The following UTRN variants were observed in gnomAD, a reference collection of about 807,000 sequenced individuals.
UTRN encodes dystrophin-related protein 1.
UTRN carries 283 observed loss-of-function variants against 463.9 expected under a neutral mutation model. That is an observed-to-expected ratio of 0.61 (90% CI 0.55 to 0.67). The LOEUF is 0.67. Ranked by LOEUF, UTRN falls within the 30% of genes least tolerant of loss-of-function variation. The probability of loss-of-function intolerance (pLI) is 0.00; values close to 1 mark genes in which losing one functional copy is unlikely to be tolerated. For missense variants in UTRN, 3,922 were observed against 4,084.3 expected (o/e 0.96, Z 1.08); for synonymous variants, 1,442 against 1,431.5 (o/e 1.01, Z -0.17).
chr6:144,706,130 G>C (rs11970600), intron 53 of UTRN, among the ~76,000 whole-genome samples: 44,855 of 151,368 alleles, frequency 0.3, 7,980 homozygotes, highest in Admixed American at 0.45. Context: ...GCCAGTGTTC[G>C]AACATAAACC....
chr6:144,713,618 A>T (rs531258534), intron 53 of UTRN, among the ~76,000 whole-genome samples: 9 of 144,226 alleles, frequency 6.2e-5, no homozygotes, highest in South Asian at 4.4e-4. Flanking sequence ...CTGTCTCAAA[A>T]AAAAAAATAA....
intron 51 of UTRN, among the ~76,000 whole-genome samples, chr6:144,633,199 A>G (rs1776717153): frequency 6.6e-6 from 1 of 151,786 alleles, no homozygotes; most frequent in South Asian, 2.1e-4. Context: ...AGGAGTAAGG[A>G]AACTTGAAAT....
rs1160278605 is a variant in UTRN at position 144,490,217 on chromosome 6, C to T, written c.4263+18C>T. 2.5e-6 allele frequency: 4 copies of T among 1,573,636 alleles called. No homozygotes were observed. The highest frequency in any genetic ancestry group is 2.6e-6 in the Non-Finnish European group (3 of 1,167,636). ...TGCTACAGGTAAAGAAGGCCAGGAG[C>T]TTCCTTTTACTTTTCAACTTGTTGG... On this transcript the variant is annotated intron_variant, in intron 31 of 74. Coordinates refer to ENST00000367545, the MANE Select transcript of UTRN (RefSeq NM_007124.3).
At chr6:144,436,883 T>A (rs1786606640) in intron 10 of UTRN, among the ~76,000 whole-genome samples, 2 of 145,332 alleles carry the variant, frequency 1.4e-5, no homozygotes, top group Non-Finnish European at 3.0e-5. Flanking sequence ...ATAAAATATA[T>A]AAATATTTTT....
At chr6:144,734,369 A>G (rs1789124147) in intron 54 of UTRN, among the ~76,000 whole-genome samples, 1 of 152,180 alleles carries the variant, frequency 6.6e-6, no homozygotes, top group African/African-American at 2.4e-5. Flanking sequence ...GAGTAATTGG[A>G]TTATTGATTT....
intron 34 of UTRN, among the ~76,000 whole-genome samples, chr6:144,508,678 A>G (rs1170934242): frequency 2.0e-5 from 3 of 152,172 alleles, no homozygotes; most frequent in Admixed American, 6.5e-5. Context: ...CTGTTTGGCC[A>G]TCTTGCCAGC....
chr6:144,721,784 T>G (rs1787199907), intron 53 of UTRN, among the ~76,000 whole-genome samples: 1 of 152,166 alleles, frequency 6.6e-6, no homozygotes, highest in Non-Finnish European at 1.5e-5. Context: ...ATTCATTTGT[T>G]TCAGATATAC....
chr6:144,671,369 T>TAC (rs1781008105), intron 51 of UTRN, among the ~76,000 whole-genome samples: 2 of 152,086 alleles, frequency 1.3e-5, no homozygotes, highest in African/African-American at 4.8e-5. Flanking sequence ...TGGTTAGGTA[T>TAC]AATCCTAAGT....
chr6:144,548,950 A>G, intron 47 of UTRN, 96 bp downstream of exon 47: 3 of 1,286,154 alleles, frequency 2.3e-6, no homozygotes, highest in South Asian at 1.5e-5. Flanking sequence ...AAACTATGAG[A>G]GAATGAGGTT....
At chr6:144,716,339 G>T (rs1786449282) in intron 53 of UTRN, among the ~76,000 whole-genome samples, 1 of 151,836 alleles carries the variant, frequency 6.6e-6, no homozygotes, top group Non-Finnish European at 1.5e-5. Flanking sequence ...TGCTAGTTGA[G>T]TTGAGATTCT....
intron 50 of UTRN, among the ~76,000 whole-genome samples, chr6:144,563,154 A>G (rs1800086507): frequency 6.6e-6 from 1 of 152,160 alleles, no homozygotes; most frequent in Non-Finnish European, 1.5e-5. Flanking sequence ...GACATGTGGA[A>G]TGTATATAGT....
intron 13 of UTRN, among the ~76,000 whole-genome samples, chr6:144,441,980 G>T (rs965682850): frequency 7.2e-5 from 11 of 152,134 alleles, no homozygotes; most frequent in African/African-American, 1.2e-4. Flanking sequence ...TAGCCACAAG[G>T]CACGGGGACC....
At chr6:144,400,788 A>G (rs1782875297) in intron 2 of UTRN, among the ~76,000 whole-genome samples, 1 of 152,224 alleles carries the variant, frequency 6.6e-6, no homozygotes, top group African/African-American at 2.4e-5. Flanking sequence ...ACAGGCAAAT[A>G]ATTTGTCTGT....
At chr6:144,585,580 G>A (rs1228876107) in intron 51 of UTRN, among the ~76,000 whole-genome samples, 1 of 152,112 alleles carries the variant, frequency 6.6e-6, no homozygotes, top group Non-Finnish European at 1.5e-5. Context: ...CTATATTAAT[G>A]TAATGAAATG....
intron 51 of UTRN, among the ~76,000 whole-genome samples, chr6:144,631,410 AAG>A (rs1776508759): frequency 6.6e-6 from 1 of 152,208 alleles, no homozygotes; most frequent in South Asian, 2.1e-4. Context: ...TATTGGAGGA[AAG>A]AGAGGGAGTT....
At position 144,533,272 on chromosome 6, in the gene UTRN, A is replaced by G. The variant is rs368103787; in HGVS notation, c.6233+12A>G. 5.8e-5 allele frequency: 94 copies of G among 1,613,410 alleles called. No individual in the cohort carries two copies. The highest frequency in any genetic ancestry group is 1.7e-4 in the Middle Eastern group (1 of 6,016). On this transcript the variant is annotated intron_variant, in intron 43 of 74. Coordinates refer to ENST00000367545, the MANE Select transcript of UTRN (RefSeq NM_007124.3). The stretch of plus-strand genomic sequence containing the variant: ...GATAGGCAGCCAAGGTGATTTAGCT[A>G]TGATTGTTTGCAGGCACAGGAGTGA...
chr6:144,426,374 A>G lies in UTRN; in HGVS notation c.493A>G (p.Arg165Gly). The G allele has an allele frequency of 1.9e-6, 3 of 1,614,182 alleles. No individual in the cohort carries two copies. Among genetic ancestry groups the G allele is most frequent in the Non-Finnish European group, 2.5e-6 (3 of 1,180,014 alleles). The change falls in exon 7 of 75, where the codon AGG becomes GGG. Residue 165 changes from arginine (R) to glycine (G), a missense_variant. Arg to Gly is a moderately radical substitution (Grantham distance 125). Coordinates refer to ENST00000367545, the MANE Select transcript of UTRN (RefSeq NM_007124.3). Reference sequence around the variant, plus strand: ...GCTCAGCTGGGTGCGTCAGACCACCAGGCCCTACAGCCAAGTCAACGTCCT... The same window carrying G: ...GCTCAGCTGGGTGCGTCAGACCACCGGGCCCTACAGCCAAGTCAACGTCCT... Reference protein sequence around the residue: ...ILLSWVRQTTRPYSQVNVLNF... With the variant: ...ILLSWVRQTTGPYSQVNVLNF...
Position 144,444,400 on chromosome 6 carries a change from A to G in UTRN, c.1614+18A>G. ...AAGAACAGGTATGAAACTGTTTTCC[A>G]TAAGGGGCAAAATAAATGGTGAAAA... On this transcript the variant is annotated intron_variant, in intron 14 of 74. Transcript: ENST00000367545. 1.9e-6 allele frequency: 3 copies of G among 1,583,226 alleles called. No homozygotes were observed. The highest frequency in any genetic ancestry group is 2.6e-6 in the Non-Finnish European group (3 of 1,160,998).
At chr6:144,645,765 G>C (rs1778229230) in intron 51 of UTRN, among the ~76,000 whole-genome samples, 2 of 152,172 alleles carry the variant, frequency 1.3e-5, no homozygotes, top group South Asian at 2.1e-4. Flanking sequence ...CTGTGTTGGT[G>C]ATGTGAGTAT....
Sources: allele counts gnomAD v4.1 joint callset (sites outside exome capture counted in the v4.1 genomes callset), GRCh38; gene constraint gnomAD v4.1.1; transcripts MANE v1.5; gene names NCBI Gene and HGNC (gene_info 2026-07-23, HGNC 2026-07-21).